The following CCDC60 variants were observed in gnomAD, a reference collection of about 807,000 sequenced individuals.
CCDC60 encodes the protein coiled-coil domain containing 60.
Under a neutral mutation model 63.5 loss-of-function variants are expected in CCDC60, and 54 were observed. The observed-to-expected ratio is 0.85, with a 90% CI of 0.68 to 1.07. The LOEUF is 1.07. CCDC60 is among the 50% of genes least tolerant of loss of function. The pLI is 0.00. For synonymous variants in CCDC60, 206 were observed against 238.8 expected, an observed-to-expected ratio of 0.86 and a Z score of 1.27; for missense variants, 651 against 684.3, an observed-to-expected ratio of 0.95 and a Z score of 0.54.
intron 2 of CCDC60, among the ~76,000 whole-genome samples, chr12:119,459,162 A>AT (rs1950808266): frequency 6.6e-6 from 1 of 151,984 alleles, no homozygotes; most frequent in Non-Finnish European, 1.5e-5. Context: ...CAACTGGAAG[A>AT]TTTTTTTTCT....
intron 1 of CCDC60, among the ~76,000 whole-genome samples, chr12:119,390,065 C>T (rs1489879338): frequency 2.0e-5 from 3 of 152,170 alleles, no homozygotes; most frequent in Admixed American, 2.0e-4. Flanking sequence ...AAATCTCTCT[C>T]CTAAGGGAGG....
At chr12:119,393,680 A>T (rs920815178) in intron 1 of CCDC60, among the ~76,000 whole-genome samples, 1 of 152,230 alleles carries the variant, frequency 6.6e-6, no homozygotes, top group Non-Finnish European at 1.5e-5. Flanking sequence ...ATTTTCTCCC[A>T]GTGGTTTAGA....
intron 11 of CCDC60, among the ~76,000 whole-genome samples, chr12:119,524,658 G>T (rs1481015158): frequency 6.6e-6 from 1 of 151,306 alleles, no homozygotes; most frequent in Non-Finnish European, 1.5e-5. Flanking sequence ...TGCCCCACCT[G>T]GCCCAGGACA....
At chr12:119,472,464 C>T (rs776532827) in intron 3 of CCDC60, among the ~76,000 whole-genome samples, 12 of 152,042 alleles carry the variant, frequency 7.9e-5, no homozygotes, top group African/African-American at 2.7e-4. Context: ...CCCCATAATA[C>T]GTGTTTATAT....
At chr12:119,473,267 G>A (rs1302753543) in intron 3 of CCDC60, among the ~76,000 whole-genome samples, 1 of 152,212 alleles carries the variant, frequency 6.6e-6, no homozygotes, top group African/African-American at 2.4e-5. Context: ...AGGATGGAAA[G>A]GAAGTGCCAA....
chr12:119,392,397 G>A (rs1250420868), intron 1 of CCDC60, among the ~76,000 whole-genome samples: 1 of 152,176 alleles, frequency 6.6e-6, no homozygotes, highest in East Asian at 1.9e-4. Flanking sequence ...ACCCAAGCTA[G>A]GCCAATAAGT....
intron 1 of CCDC60, among the ~76,000 whole-genome samples, chr12:119,374,505 G>A (rs559295314): frequency 6.6e-6 from 1 of 152,326 alleles, no homozygotes; most frequent in East Asian, 1.9e-4. Flanking sequence ...GAAAGGGTAT[G>A]ATGAGAGATG....
At chr12:119,509,198 A>T (rs184884356) in intron 7 of CCDC60, among the ~76,000 whole-genome samples, 1 of 152,308 alleles carries the variant, frequency 6.6e-6, no homozygotes, top group African/African-American at 2.4e-5. Context: ...ACATACGGAG[A>T]TCCTCACACT....
At position 119,462,093 on chromosome 12, in the gene CCDC60, A is replaced by C. The variant is rs569497390; in HGVS notation, c.171-9901A>C. ...GCTGGACATCTGACTGCCTTGCCTG[A>C]AGAGGGGCTGAAATTCCACCAGAAG... On this transcript the variant is annotated intron_variant, in intron 2 of 13. Transcript: ENST00000327554. 1.4e-4 allele frequency among the ~76,000 whole-genome samples: 22 copies of C among 152,250 alleles called. No homozygotes were observed. In the South Asian group the frequency reaches 4.4e-3, roughly 30 times the overall value.
intron 2 of CCDC60, among the ~76,000 whole-genome samples, chr12:119,465,618 C>T (rs149679186): frequency 1.3e-3 from 194 of 152,064 alleles, no homozygotes; most frequent in Non-Finnish European, 2.0e-3. Context: ...ACTAGCCAGG[C>T]GTGATGGTGG....
chr12:119,436,174 C>T (rs79759022), intron 2 of CCDC60, among the ~76,000 whole-genome samples: 1 of 152,172 alleles, frequency 6.6e-6, no homozygotes, highest in African/African-American at 2.4e-5. Context: ...ATTCACACTA[C>T]AAATGATGGA....
chr12:119,369,249 C>T (rs188613868), intron 1 of CCDC60, among the ~76,000 whole-genome samples: 15 of 152,230 alleles, frequency 9.9e-5, no homozygotes, highest in Non-Finnish European at 1.6e-4. Context: ...GAAAGACGCT[C>T]GCAATGTAGG....
chr12:119,540,615 T>C lies in CCDC60; in HGVS notation c.1553T>C (p.Phe518Ser). Reference protein sequence around the residue: ...CSPDIAVAIEFVREHIIHMPQ... With the variant: ...CSPDIAVAIESVREHIIHMPQ... ...ATTGCCACTATGTCTGCCTCACAGT[T>C]TGTGCGAGAACACATCATCCATATG... The change falls in exon 14 of 14, where the codon TTT (phenylalanine) becomes TCT (serine). Residue 518 changes from phenylalanine (F) to serine (S), a missense_variant and splice_region_variant. By Grantham distance (155) the Phe-to-Ser change is radical (BLOSUM62 -2). Coordinates refer to ENST00000327554, the MANE Select transcript of CCDC60 (RefSeq NM_178499.5). 1 of 1,612,232 alleles carries C rather than the reference T, an allele frequency of 6.2e-7. No homozygotes were observed. Among genetic ancestry groups the C allele is most frequent in the Non-Finnish European group, 8.5e-7 (1 of 1,178,730 alleles).
At chr12:119,409,411 AGCC>A (rs1389341454) in intron 1 of CCDC60, among the ~76,000 whole-genome samples, 9 of 152,260 alleles carry the variant, frequency 5.9e-5, no homozygotes, top group African/African-American at 2.2e-4. Flanking sequence ...AAGTTGTGAC[AGCC>A]AAAAAGAACT....
chr12:119,412,707 A>G (rs1956624901), intron 1 of CCDC60, among the ~76,000 whole-genome samples: 2 of 151,926 alleles, frequency 1.3e-5, no homozygotes, highest in Non-Finnish European at 1.5e-5. Context: ...TAATCATGCT[A>G]TCAACTTTTG....
In CCDC60 at chr12:119,484,437, C is replaced by T. The variant is rs550254606; in HGVS notation, c.450-4322C>T. On this transcript the variant is annotated intron_variant, in intron 4 of 13. Coordinates refer to ENST00000327554, the MANE Select transcript of CCDC60 (RefSeq NM_178499.5). ...TGTGTATAAGAATTGTGCTCAAGTACAGGTGCAGTGGCTCACGTCTGTAAT... is the reference window on the plus strand; with the variant it reads ...TGTGTATAAGAATTGTGCTCAAGTATAGGTGCAGTGGCTCACGTCTGTAAT... Among the ~76,000 whole-genome samples the T allele has an allele frequency of 3.9e-5, 6 of 152,066 alleles. No homozygotes were observed. The South Asian group carries it at 1.2e-3, about 32-fold the overall frequency.
At chr12:119,343,810 A>T (rs1309971630) in intron 1 of CCDC60, among the ~76,000 whole-genome samples, 1 of 151,776 alleles carries the variant, frequency 6.6e-6, no homozygotes, top group Non-Finnish European at 1.5e-5. Flanking sequence ...CCAAACCTAG[A>T]ACTCATTTTC....
chr12:119,505,372 C>G, intron 7 of CCDC60, 69 bp downstream of exon 7: 1 of 1,047,768 alleles, frequency 9.5e-7, no homozygotes, highest in Non-Finnish European at 1.4e-6. Context: ...TCAAGAAACC[C>G]TCCTGCCTCA....
intron 13 of CCDC60, among the ~76,000 whole-genome samples, chr12:119,537,684 C>G (rs535811076): frequency 6.6e-6 from 1 of 151,830 alleles, no homozygotes; most frequent in African/African-American, 2.4e-5. Flanking sequence ...AGCTGCAGGT[C>G]TGTTGGAGTT....
Sources: allele counts gnomAD v4.1 joint callset (sites outside exome capture counted in the v4.1 genomes callset), GRCh38; gene constraint gnomAD v4.1.1; transcripts MANE v1.5; gene names NCBI Gene and HGNC (gene_info 2026-07-23, HGNC 2026-07-21).